The following KCTD8 variants were observed in gnomAD, a reference collection of about 807,000 sequenced individuals.
The protein encoded by KCTD8 is BTB/POZ domain-containing protein KCTD8.
A neutral mutation model predicts 31.5 loss-of-function variants in KCTD8; 27 were observed. The observed-to-expected ratio is 0.86, with a 90% CI of 0.63 to 1.18. The LOEUF (loss-of-function observed/expected upper bound fraction) is 1.18, where lower values mean the gene tolerates loss of function less well. KCTD8 is among the 50% of genes most tolerant of loss of function. KCTD8 has a pLI of 0.00. For missense variants in KCTD8, 658 were observed against 647.7 expected (o/e 1.02, Z -0.17); for synonymous variants, 290 against 280.0 (o/e 1.04, Z -0.36).
intron 1 of KCTD8, among the ~76,000 whole-genome samples, chr4:44,433,999 C>A (rs991902995): frequency 1.3e-5 from 2 of 151,820 alleles, no homozygotes; most frequent in Non-Finnish European, 2.9e-5. Flanking sequence ...GATATAAAAT[C>A]CTTTTCCTGA....
chr4:44,291,038 A>C (rs544192745), intron 1 of KCTD8, among the ~76,000 whole-genome samples: 2 of 152,230 alleles, frequency 1.3e-5, no homozygotes, highest in African/African-American at 4.8e-5. Flanking sequence ...GTTTTTCAAA[A>C]GAATAGACAA....
chr4:44,309,288 C>T (rs1464735706), intron 1 of KCTD8, among the ~76,000 whole-genome samples: 1 of 152,024 alleles, frequency 6.6e-6, no homozygotes, highest in Admixed American at 6.6e-5. Context: ...ATCTGCCCAC[C>T]TCGGCCTCTC....
chr4:44,250,344 C>A (rs879336531), intron 1 of KCTD8, among the ~76,000 whole-genome samples: 3 of 151,642 alleles, frequency 2.0e-5, no homozygotes, highest in Non-Finnish European at 3.0e-5. Flanking sequence ...CTAATGAAAT[C>A]CCATTGTTGT....
chr4:44,368,287 G>T (rs952219471), intron 1 of KCTD8, among the ~76,000 whole-genome samples: 1 of 152,180 alleles, frequency 6.6e-6, no homozygotes, highest in African/African-American at 2.4e-5. Context: ...TGAGGCAGGA[G>T]AATTGCTTGA....
At chr4:44,302,787 G>A (rs928034390) in intron 1 of KCTD8, among the ~76,000 whole-genome samples, 1 of 151,842 alleles carries the variant, frequency 6.6e-6, no homozygotes, top group Middle Eastern at 3.2e-3. Flanking sequence ...GGGCATCCCT[G>A]TCTTGTGCCA....
rs182251872 is a variant in KCTD8 at position 44,322,646 on chromosome 4, C to T, written c.961+124917G>A. On this transcript the variant is annotated intron_variant, in intron 1 of 1. Coordinates refer to ENST00000360029, the MANE Select transcript of KCTD8 (RefSeq NM_198353.3). ...GTTGCTTGTGCTTTTGAGCTCTTAC[C>T]CAAAAAATCTTTGCCCAGGCCAATG... 3.7e-3 allele frequency among the ~76,000 whole-genome samples: 569 copies of T among 151,836 alleles called. 2 individuals are homozygous for T. Among genetic ancestry groups the T allele is most frequent in the Non-Finnish European group, 6.2e-3 (419 of 67,974 alleles).
At position 44,276,599 on chromosome 4, in the gene KCTD8, C is replaced by T. The variant is rs376096105; in HGVS notation, c.962-101349G>A. ...AAAGAAAGTAACCAATCTTGAATCA[C>T]CTGAACTCTATCATTCTATATAACT... On this transcript the variant is annotated intron_variant, in intron 1 of 1. Coordinates refer to ENST00000360029, the MANE Select transcript of KCTD8 (RefSeq NM_198353.3). Among the ~76,000 whole-genome samples, 3 of 151,870 alleles carry T rather than the reference C, an allele frequency of 2.0e-5. No homozygotes were observed. The East Asian group carries it at 5.8e-4, about 30-fold the overall frequency.
chr4:44,421,612 T>C (rs1223619581), intron 1 of KCTD8, among the ~76,000 whole-genome samples: 1 of 152,128 alleles, frequency 6.6e-6, no homozygotes, highest in Non-Finnish European at 1.5e-5. Flanking sequence ...TCCTTCCAAT[T>C]GGTGGAATAA....
At chr4:44,281,523 C>T (rs575722121) in intron 1 of KCTD8, among the ~76,000 whole-genome samples, 61 of 152,214 alleles carry the variant, frequency 4.0e-4, no homozygotes, top group Admixed American at 3.9e-3. Flanking sequence ...ATACTGGGGT[C>T]TGACTGATAA....
chr4:44,192,381 C>T (rs1196461693), intron 1 of KCTD8, among the ~76,000 whole-genome samples: 1 of 151,672 alleles, frequency 6.6e-6, no homozygotes, highest in Non-Finnish European at 1.5e-5. Flanking sequence ...CCTATTATTA[C>T]TGGCCTAGAC....
At chr4:44,291,721 T>C (rs1387624127) in intron 1 of KCTD8, among the ~76,000 whole-genome samples, 3 of 151,934 alleles carry the variant, frequency 2.0e-5, no homozygotes, top group Non-Finnish European at 4.4e-5. Context: ...TCACAAACTA[T>C]GCATCTGAGA....
intron 1 of KCTD8, 86 bp downstream of exon 1, chr4:44,447,477 C>T: frequency 1.4e-6 from 2 of 1,433,962 alleles, no homozygotes; most frequent in Non-Finnish European, 1.8e-6. Flanking sequence ...CCCGGACACC[C>T]CCGCGGGGCC....
intron 1 of KCTD8, among the ~76,000 whole-genome samples, chr4:44,201,159 T>C (rs1714138219): frequency 1.3e-5 from 2 of 151,850 alleles, no homozygotes; most frequent in Admixed American, 6.6e-5. Flanking sequence ...AAATCAGAGA[T>C]GACACAAATA....
chr4:44,251,919 T>A (rs1321352428), intron 1 of KCTD8, among the ~76,000 whole-genome samples: 1 of 151,590 alleles, frequency 6.6e-6, no homozygotes, highest in Non-Finnish European at 1.5e-5. Flanking sequence ...CTTACATGAA[T>A]AAGTTCTTTA....
At chr4:44,289,607 G>A (rs1319654198) in intron 1 of KCTD8, among the ~76,000 whole-genome samples, 1 of 152,098 alleles carries the variant, frequency 6.6e-6, no homozygotes, top group Non-Finnish European at 1.5e-5. Context: ...AGATGGTGAG[G>A]CAACCCACTC....
At chr4:44,428,973 A>G (rs1427010090) in intron 1 of KCTD8, among the ~76,000 whole-genome samples, 1 of 151,646 alleles carries the variant, frequency 6.6e-6, no homozygotes, top group African/African-American at 2.4e-5. Flanking sequence ...TGCTATCGAT[A>G]CAAATTTGGG....
chr4:44,276,408 G>A (rs999492510), intron 1 of KCTD8, among the ~76,000 whole-genome samples: 3 of 151,806 alleles, frequency 2.0e-5, no homozygotes, highest in African/African-American at 4.8e-5. Flanking sequence ...CCTCTTATTC[G>A]TTTGGATGCA....
chr4:44,233,910 T>C (rs1488201461), intron 1 of KCTD8, among the ~76,000 whole-genome samples: 1 of 152,176 alleles, frequency 6.6e-6, no homozygotes, highest in Non-Finnish European at 1.5e-5. Flanking sequence ...CATCCAGATA[T>C]TGAGTATTTT....
intron 1 of KCTD8, among the ~76,000 whole-genome samples, chr4:44,210,929 C>G (rs1714469416): frequency 6.6e-6 from 1 of 152,118 alleles, no homozygotes; most frequent in Admixed American, 6.6e-5. Flanking sequence ...GGCATGCAGG[C>G]AAGTTAAGAC....
Sources: allele counts gnomAD v4.1 joint callset (sites outside exome capture counted in the v4.1 genomes callset), GRCh38; gene constraint gnomAD v4.1.1; transcripts MANE v1.5; gene names NCBI Gene and HGNC (gene_info 2026-07-23, HGNC 2026-07-21).